Variants in NELFA observed in about 807,000 individuals in gnomAD.
The protein encoded by NELFA is negative elongation factor A.
NELFA carries 35 observed loss-of-function variants against 51.8 expected under a neutral mutation model. That is an observed-to-expected ratio of 0.68 (90% CI 0.52 to 0.90). The LOEUF is 0.90. Among genes scored for constraint, NELFA ranks in the 40% least tolerant of loss-of-function variants. NELFA has a pLI of 0.00. For synonymous variants in NELFA, 417 were observed against 338.4 expected (o/e 1.23, Z -2.55); for missense variants, 658 against 746.4 (o/e 0.88, Z 1.38).
intron 8 of NELFA, 51 bp from the exon 9 acceptor site, chr4:1,984,164 C>A (rs1224025521): frequency 1.4e-6 from 2 of 1,462,848 alleles, no homozygotes; most frequent in Non-Finnish European, 1.8e-6. Flanking sequence ...ACCCTGTTCC[C>A]AAACCCTAGT....
chr4:1,993,669 C>A (rs1196927685), intron 1 of NELFA, among the ~76,000 whole-genome samples: 1 of 152,022 alleles, frequency 6.6e-6, no homozygotes, highest in African/African-American at 2.4e-5. Flanking sequence ...TTACTTCTCA[C>A]GGTTCTGGAG....
At chr4:2,001,383 T>C (rs186614497) in intron 1 of NELFA, among the ~76,000 whole-genome samples, 16 of 152,324 alleles carry the variant, frequency 1.1e-4, no homozygotes, top group African/African-American at 3.4e-4. Flanking sequence ...GACATGATTT[T>C]ATATTTAGAA....
chr4:2,003,584 T>C (rs1240569340), intron 1 of NELFA, among the ~76,000 whole-genome samples: 1 of 152,136 alleles, frequency 6.6e-6, no homozygotes, highest in Non-Finnish European at 1.5e-5. Context: ...TGCAGGGACA[T>C]GGATGAAGCT....
Position 1,986,618 on chromosome 4 carries a change from A to G in NELFA, c.635-216T>C, listed in dbSNP as rs1187092556. ...CACACTTTGCCAAGACACCAAACAA[A>G]GACAGCGGCACCCCAGCCCAGCCAC... On this transcript the variant is annotated intron_variant, in intron 4 of 10. Transcript: ENST00000382882. The G allele has an allele frequency of 1.3e-5, 8 of 607,484 alleles. No homozygotes were observed. In the East Asian group the frequency reaches 2.6e-4, roughly 20 times the overall value. The allele number at this position is 607,484 out of a possible 1,614,324, so 37.6% of individuals were successfully genotyped here. A position where few individuals can be genotyped will look rare whatever the true frequency, so the allele number is the denominator to read the frequency against.
chr4:1,986,486 C>A, intron 4 of NELFA, 84 bp from the exon 5 acceptor site: 2 of 1,595,914 alleles, frequency 1.3e-6, no homozygotes, highest in East Asian at 2.3e-5. Flanking sequence ...CCACCCTCTT[C>A]TAGGCTAGCG....
At chr4:1,986,503 A>T (rs1408397057) in intron 4 of NELFA, 101 bp from the exon 5 acceptor site, 2 of 1,562,904 alleles carry the variant, frequency 1.3e-6, no homozygotes, top group South Asian at 2.4e-5. Flanking sequence ...AGCGCCGCAG[A>T]GGGGAAGGGC....
Position 1,983,476 on chromosome 4 carries a change from A to C in NELFA, c.1430T>G (p.Val477Gly). The change falls in exon 11 of 11, where the codon GTG (valine) becomes GGG (glycine). Residue 477 changes from valine to glycine, a missense_variant. Val to Gly is a moderately radical substitution (Grantham distance 109). Around this residue, in one of 3 missense-constraint regions of NELFA, gnomAD observed 87 missense variants for 130.2 expected, o/e 0.67. Coordinates refer to ENST00000382882, the MANE Select transcript of NELFA (RefSeq NM_005663.5). ...RENPCQEQGD[V>G]IQIKLSEHTE... The stretch of plus-strand genomic sequence containing the variant: ...GTGCTCGCTCAGCTTGATCTGGATC[A>C]CGTCCCCCTGCTCCTGGCACGGGTT... The C allele has an allele frequency of 6.2e-7, 1 of 1,614,086 alleles. No individual in the cohort carries two copies. The highest frequency in any genetic ancestry group is 8.5e-7 in the Non-Finnish European group (1 of 1,180,004).
At chr4:1,986,039 G>A (rs1160852629) in intron 6 of NELFA, 75 bp downstream of exon 6, 3 of 1,493,832 alleles carry the variant, frequency 2.0e-6, no homozygotes, top group Non-Finnish European at 2.7e-6. Flanking sequence ...CGCCGAGCGT[G>A]GGCACAACCC....
At chr4:2,002,405 G>A (rs1577629456) in intron 1 of NELFA, among the ~76,000 whole-genome samples, 1 of 152,108 alleles carries the variant, frequency 6.6e-6, no homozygotes, top group South Asian at 2.1e-4. Context: ...TGGAATCAAA[G>A]AAGATCCCAT....
At chr4:1,992,067 A>T (rs1728287071) in intron 1 of NELFA, 1 of 229,894 alleles carries the variant, frequency 4.3e-6, no homozygotes, top group South Asian at 6.2e-5. Context: ...TCCCGCAGAA[A>T]GCCTGCGGGT....
Position 1,991,590 on chromosome 4 carries a change from C to T in NELFA, c.336G>A (p.Glu112=). ...AAATATCCTGAACGTTGGGATTCTG[C>T]TCCTCCAGCTCCAGGTTAAGCGAGC... ...DTGSLNLELE[E]QNPNVQDILG... Residue 112 remains glutamate (E), a synonymous_variant, in exon 2 of 11, where the codon GAG becomes GAA. Transcript: ENST00000382882. The T allele has an allele frequency of 6.2e-7, 1 of 1,614,120 alleles. No individual in the cohort carries two copies. Among genetic ancestry groups the T allele is most frequent in the Middle Eastern group, 1.6e-4 (1 of 6,062 alleles).
intron 2 of NELFA, chr4:1,990,617 G>C (rs902436902): frequency 4.7e-6 from 2 of 428,358 alleles, no homozygotes; most frequent in Non-Finnish European, 9.6e-6. Context: ...GGCCCCTGCA[G>C]GAGTGTGCAG....
intron 3 of NELFA, among the ~76,000 whole-genome samples, 173 bp from the exon 4 acceptor site, chr4:1,988,180 G>C (rs1002977405): frequency 6.6e-6 from 1 of 152,208 alleles, no homozygotes; most frequent in African/African-American, 2.4e-5. Context: ...ACTTTACAAC[G>C]AGTCAGAAAC....
At chr4:1,986,989 T>G (rs1728124015) in intron 4 of NELFA, among the ~76,000 whole-genome samples, 1 of 151,938 alleles carries the variant, frequency 6.6e-6, no homozygotes, top group African/African-American at 2.4e-5. Context: ...CTGGGATGCC[T>G]GGTGGGGGTG....
intron 2 of NELFA, among the ~76,000 whole-genome samples, chr4:1,991,132 A>C (rs767388626): frequency 2.6e-5 from 4 of 152,236 alleles, no homozygotes; most frequent in Middle Eastern, 3.2e-3. Context: ...TTCAGTTCAC[A>C]TTTAAACAAC....
chr4:1,991,250 C>T (rs960035820), intron 2 of NELFA, among the ~76,000 whole-genome samples: 2 of 152,170 alleles, frequency 1.3e-5, no homozygotes, highest in Non-Finnish European at 2.9e-5. Context: ...ATGGGCAGAG[C>T]CCCTACCCTC....
Position 1,983,604 on chromosome 4 carries a change from C to A in NELFA, c.1394G>T (p.Gly465Val). ...EKALILGFMA[G>V]SRENPCQEQG... ...CTGCCTTATGAACATACCTCGGGAG[C>A]CGGCCATGAAGCCCAGGATGAGGGC... Residue 465 changes from glycine (G) to valine (V), a missense_variant, in exon 10 of 11, where the codon GGC becomes GTC. Coordinates refer to ENST00000382882, the MANE Select transcript of NELFA (RefSeq NM_005663.5). 2 of 1,613,994 alleles carry A rather than the reference C, an allele frequency of 1.2e-6. No individual in the cohort carries two copies. Among genetic ancestry groups the A allele is most frequent in the Non-Finnish European group, 1.7e-6 (2 of 1,179,966 alleles).
intron 1 of NELFA, among the ~76,000 whole-genome samples, chr4:1,997,265 AAAAG>A (rs1466328336): frequency 6.6e-6 from 1 of 152,254 alleles, no homozygotes; most frequent in Non-Finnish European, 1.5e-5. Context: ...TTTCCAAAGA[AAAAG>A]AAAAGACCAG....
intron 1 of NELFA, chr4:1,992,378 G>A: frequency 3.2e-6 from 1 of 313,282 alleles, no homozygotes; most frequent in Non-Finnish European, 6.5e-6. Flanking sequence ...GGAGGAAGCA[G>A]GCGCACCCCG....
Sources: gnomAD v4.1 joint callset for allele counts (sites outside exome capture counted in the v4.1 genomes callset) on GRCh38, gnomAD v4.1.1 for gene constraint, gnomAD v4.1.1 regional missense constraint, MANE v1.5 for transcripts, NCBI Gene and HGNC (gene_info 2026-07-23, HGNC 2026-07-21) for gene names.